MSRA: variants seen among roughly 807,000 people sequenced by gnomAD.
MSRA encodes the protein mitochondrial peptide methionine sulfoxide reductase.
In MSRA, 54 loss-of-function variants were observed where a neutral mutation model predicts 31.3. The ratio of observed to expected loss-of-function variants is 1.73; its 90% CI spans 1.39 to 2.17. MSRA has a LOEUF of 2.17. MSRA is among the 30% of genes most tolerant of loss of function. The pLI, the probability that MSRA is intolerant of heterozygous loss-of-function variation, is 0.00. For missense variants in MSRA, 507 were observed against 300.9 expected (o/e 1.69, Z -5.07); for synonymous variants, 169 against 116.5 (o/e 1.45, Z -2.90).
At chr8:10,162,239 G>A (rs1804726543) in intron 1 of MSRA, among the ~76,000 whole-genome samples, 1 of 152,186 alleles carries the variant, frequency 6.6e-6, no homozygotes, top group South Asian at 2.1e-4. Flanking sequence ...GGTACTTGCA[G>A]AATCAAGGCT....
chr8:10,214,544 A>G (rs1426965248), intron 2 of MSRA, among the ~76,000 whole-genome samples: 1 of 146,552 alleles, frequency 6.8e-6, no homozygotes, highest in African/African-American at 2.5e-5. Context: ...GGTGTGGCGT[A>G]TTTCTCCCTG....
intron 1 of MSRA, among the ~76,000 whole-genome samples, chr8:10,094,515 A>C (rs1295252155): frequency 6.6e-6 from 1 of 152,260 alleles, no homozygotes; most frequent in Non-Finnish European, 1.5e-5. Context: ...ACTGATTTTC[A>C]TAAGTGGTAA....
chr8:10,417,059 C>T lies in MSRA; in HGVS notation c.544-11089C>T, dbSNP rs780480507. Reference sequence around the variant, plus strand: ...TATGGGAAAGGACGGAACACAGGAGCGCTGCAGCTGTACGAAGAAGCCCCA... The same window carrying T: ...TATGGGAAAGGACGGAACACAGGAGTGCTGCAGCTGTACGAAGAAGCCCCA... On this transcript the variant is annotated intron_variant, in intron 5 of 5. Transcript: ENST00000317173. Among the ~76,000 whole-genome samples, 128 of 152,296 alleles carry T rather than the reference C, an allele frequency of 8.4e-4. 2 individuals are homozygous for T. The highest frequency in any genetic ancestry group is 6.8e-3 in the Middle Eastern group (2 of 294).
chr8:10,220,047 A>G lies in MSRA; in HGVS notation c.211+12146A>G, dbSNP rs961579026. Among the ~76,000 whole-genome samples the G allele has an allele frequency of 9.2e-5, 14 of 151,888 alleles. No homozygotes were observed. In the South Asian group the frequency reaches 1.0e-3, roughly 11 times the overall value. ...ACAGACGTTTAGCTTGGCATACCTT[A>G]GGCCCAAGTAGTGTGAACAGTGATG... On this transcript the variant is annotated intron_variant, in intron 2 of 5. Transcript: ENST00000317173.
At chr8:10,310,853 C>A (rs1374185035) in intron 4 of MSRA, among the ~76,000 whole-genome samples, 1 of 152,228 alleles carries the variant, frequency 6.6e-6, no homozygotes, top group African/African-American at 2.4e-5. Flanking sequence ...AACAGCAGCA[C>A]ATTATCCGAT....
intron 1 of MSRA, among the ~76,000 whole-genome samples, chr8:10,198,950 T>A: frequency 6.6e-6 from 1 of 152,232 alleles, no homozygotes; most frequent in Non-Finnish European, 1.5e-5. Context: ...TGAAGCCTGG[T>A]CAGTGCTCGG....
intron 1 of MSRA, among the ~76,000 whole-genome samples, chr8:10,181,545 A>G (rs1196654895): frequency 6.6e-6 from 1 of 152,172 alleles, no homozygotes; most frequent in Non-Finnish European, 1.5e-5. Flanking sequence ...ATGTATCCTA[A>G]AAGTCATGGA....
chr8:10,264,480 T>C (rs943985871), intron 3 of MSRA, among the ~76,000 whole-genome samples: 2 of 152,270 alleles, frequency 1.3e-5, no homozygotes, highest in African/African-American at 4.8e-5. Flanking sequence ...TTTCCAGCTA[T>C]ATTTCAACTT....
chr8:10,219,061 A>G (rs77892916), intron 2 of MSRA, among the ~76,000 whole-genome samples: 2,806 of 152,294 alleles, frequency 0.018, 90 homozygotes, highest in African/African-American at 0.063. Flanking sequence ...AGGTTTAAAA[A>G]AGCAACTCCA....
At chr8:10,066,363 C>G (rs1229834669) in intron 1 of MSRA, among the ~76,000 whole-genome samples, 1 of 152,198 alleles carries the variant, frequency 6.6e-6, no homozygotes, top group Admixed American at 6.5e-5. Context: ...CCCAACTAAC[C>G]AATGTTCAGA....
At chr8:10,295,355 C>G (rs996512039) in intron 3 of MSRA, among the ~76,000 whole-genome samples, 1 of 152,098 alleles carries the variant, frequency 6.6e-6, no homozygotes, top group Admixed American at 6.5e-5. Context: ...CTTGTCCCCA[C>G]GAAGCCTCTC....
At chr8:10,249,657 C>G (rs549763726) in intron 3 of MSRA, among the ~76,000 whole-genome samples, 23 of 152,296 alleles carry the variant, frequency 1.5e-4, no homozygotes, top group Non-Finnish European at 2.9e-4. Context: ...GGCACCCAGT[C>G]TTGGCTGGGA....
chr8:10,148,523 T>G (rs760589825), intron 1 of MSRA, among the ~76,000 whole-genome samples: 2 of 151,966 alleles, frequency 1.3e-5, no homozygotes, highest in Non-Finnish European at 2.9e-5. Flanking sequence ...GGTGCACATC[T>G]GCAATTCCAG....
intron 1 of MSRA, among the ~76,000 whole-genome samples, chr8:10,097,561 T>C (rs1157240855): frequency 1.3e-5 from 2 of 152,214 alleles, no homozygotes; most frequent in Non-Finnish European, 2.9e-5. Flanking sequence ...TTATTGCCGA[T>C]TTATATTTAC....
intron 2 of MSRA, among the ~76,000 whole-genome samples, chr8:10,219,826 A>AAAAAAAC (rs1273699785): frequency 6.6e-6 from 1 of 150,986 alleles, no homozygotes; most frequent in Non-Finnish European, 1.5e-5. Flanking sequence ...AAAAAAAAAA[A>AAAAAAAC]AAGATATTTG....
At chr8:10,318,341 G>A (rs901166719) in intron 4 of MSRA, among the ~76,000 whole-genome samples, 10 of 152,218 alleles carry the variant, frequency 6.6e-5, no homozygotes, top group Non-Finnish European at 8.8e-5. Flanking sequence ...CAAAGACCTC[G>A]CACAGGGAAG....
chr8:10,253,314 A>G (rs1489259130), intron 3 of MSRA, among the ~76,000 whole-genome samples: 3 of 152,174 alleles, frequency 2.0e-5, no homozygotes, highest in Non-Finnish European at 4.4e-5. Flanking sequence ...TGTTCTTCAT[A>G]TGACCTTGAT....
intron 1 of MSRA, among the ~76,000 whole-genome samples, chr8:10,077,045 T>TA (rs543152237): frequency 0.093 from 12,895 of 139,040 alleles, 742 homozygotes; most frequent in Non-Finnish European, 0.12. Context: ...CCTCAGAACT[T>TA]AAAAAAAAAA....
chr8:10,311,650 C>A (rs1386734572), intron 4 of MSRA, among the ~76,000 whole-genome samples: 1 of 152,096 alleles, frequency 6.6e-6, no homozygotes, highest in Non-Finnish European at 1.5e-5. Flanking sequence ...TTATGGCTCA[C>A]GTCTGTAATA....
Sources: gnomAD v4.1 joint callset for allele counts (sites outside exome capture counted in the v4.1 genomes callset) on GRCh38, gnomAD v4.1.1 for gene constraint, MANE v1.5 for transcripts, NCBI Gene and HGNC (gene_info 2026-07-23, HGNC 2026-07-21) for gene names.